SLCO1A2: variants seen among roughly 807,000 people sequenced by gnomAD.
SLCO1A2 encodes the protein OATP-1.
Under a neutral mutation model 69.0 loss-of-function variants are expected in SLCO1A2, and 67 were observed. The observed-to-expected ratio is 0.97, with a 90% CI of 0.80 to 1.19. The LOEUF is 1.19. SLCO1A2 is among the 50% of genes most tolerant of loss of function. SLCO1A2 has a pLI of 0.00. For missense variants in SLCO1A2, 787 were observed against 793.7 expected (o/e 0.99, Z 0.10); for synonymous variants, 260 against 265.9 (o/e 0.98, Z 0.22).
intron 12 of SLCO1A2, among the ~76,000 whole-genome samples, chr12:21,281,902 A>G (rs1380246327): frequency 6.6e-6 from 1 of 152,152 alleles, no homozygotes; most frequent in African/African-American, 2.4e-5. Flanking sequence ...CAAAACCTGA[A>G]CAGATCAATA....
Position 21,297,563 on chromosome 12 carries a change from G to T in SLCO1A2, c.916C>A (p.Leu306Ile), listed in dbSNP as rs763398472. The change falls in exon 9 of 15, where the codon CTA (leucine) becomes ATA (isoleucine). Residue 306 changes from leucine (L) to isoleucine (I), a missense_variant. By Grantham distance (5) the Leu-to-Ile change is conservative. Transcript: ENST00000683939. ...CAGGAAAGACTTTTCATGAAAGGTA[G>T]AAAATCTGAAATGAAAGAATGACAA... ...KEKYGITKDFLPFMKSLSCNP... is the reference protein window; with the variant it reads ...KEKYGITKDFIPFMKSLSCNP... 6.4e-7 allele frequency: 1 copy of T among 1,562,550 alleles called. No individual in the cohort carries two copies. Among genetic ancestry groups the T allele is most frequent in the Non-Finnish European group, 8.7e-7 (1 of 1,145,974 alleles).
Position 21,382,516 on chromosome 12 carries a change from TG to T in SLCO1A2, c.-189-7992del, listed in dbSNP as rs529650274. 2.0e-5 allele frequency among the ~76,000 whole-genome samples: 3 copies of T among 151,914 alleles called. No homozygotes were observed. In the South Asian group the frequency reaches 6.2e-4, roughly 32 times the overall value. On this transcript the variant is annotated intron_variant, in intron 1 of 15. Transcript: ENST00000307378. ...GATAATAAATTTTTAAGAAAGAAAA[TG>T]GCTGATGCGGTGGTTCACACCTGTA...
chr12:21,297,370 A>T (rs764348296), intron 9 of SLCO1A2, 34 bp downstream of exon 9: 30 of 1,572,188 alleles, frequency 1.9e-5, no homozygotes, highest in Non-Finnish European at 2.4e-5. Flanking sequence ...TGGGGGGGAA[A>T]GTGTGCTAGT....
At chr12:21,391,733 T>A (rs1237243755) in intron 1 of SLCO1A2, among the ~76,000 whole-genome samples, 2 of 151,156 alleles carry the variant, frequency 1.3e-5, no homozygotes, top group Admixed American at 6.6e-5. Flanking sequence ...TCCGTTGACA[T>A]TCAAAAGAAA....
At chr12:21,368,406 A>G (rs1939544229) in intron 2 of SLCO1A2, among the ~76,000 whole-genome samples, 1 of 152,180 alleles carries the variant, frequency 6.6e-6, no homozygotes, top group Non-Finnish European at 1.5e-5. Context: ...ATTGTAAATT[A>G]AAGAGTCACA....
chr12:21,354,680 T>C (rs183716945), intron 2 of SLCO1A2, among the ~76,000 whole-genome samples: 2 of 152,304 alleles, frequency 1.3e-5, no homozygotes, highest in East Asian at 3.9e-4. Flanking sequence ...GGGAAACTTT[T>C]ACTTTTAAAT....
intron 1 of SLCO1A2, among the ~76,000 whole-genome samples, chr12:21,387,966 C>A (rs898342242): frequency 1.3e-5 from 2 of 152,184 alleles, no homozygotes; most frequent in African/African-American, 2.4e-5. Context: ...GACATGGAGT[C>A]AAAGGAGATC....
chr12:21,409,458 C>T (rs1179698943), intron 1 of SLCO1A2, among the ~76,000 whole-genome samples: 2 of 152,074 alleles, frequency 1.3e-5, no homozygotes, highest in Admixed American at 6.6e-5. Flanking sequence ...TTCACAAATA[C>T]AAGGTAGATT....
At chr12:21,401,650 TCTA>T (rs1941709200) in intron 1 of SLCO1A2, among the ~76,000 whole-genome samples, 1 of 151,834 alleles carries the variant, frequency 6.6e-6, no homozygotes, top group Non-Finnish European at 1.5e-5. Context: ...TTTGTTTATT[TCTA>T]CTTTTTTGTT....
In SLCO1A2 at chr12:21,307,086, A is replaced by T. The variant is rs1267016697; in HGVS notation, c.336-98T>A. On this transcript the variant is annotated intron_variant, in intron 4 of 14. Transcript: ENST00000683939. ...TACCTTCTGCTTCCCATACAACACA[A>T]TATCCAAATCCAGTAAAAATGGCTT... 7.9e-6 allele frequency: 6 copies of T among 758,894 alleles called. No individual in the cohort carries two copies. The Admixed American group carries it at 1.4e-4, about 18-fold the overall frequency. The allele number at this position is 758,894 out of a possible 1,614,324, so 47.0% of individuals were successfully genotyped here. A position where few individuals can be genotyped will look rare whatever the true frequency, so the allele number is the denominator to read the frequency against.
chr12:21,344,070 A>T (rs117647264), intron 2 of SLCO1A2, among the ~76,000 whole-genome samples: 1,809 of 152,244 alleles, frequency 0.012, 9 homozygotes, highest in Non-Finnish European at 0.02. Flanking sequence ...GAACTTTCAT[A>T]AGTGAATTCA....
At chr12:21,299,905 C>T (rs1250427315) in intron 8 of SLCO1A2, among the ~76,000 whole-genome samples, 30 of 114,680 alleles carry the variant, frequency 2.6e-4, no homozygotes, top group African/African-American at 8.5e-4. Context: ...TATATATATA[C>T]GTGTGTGTAT....
intron 1 of SLCO1A2, among the ~76,000 whole-genome samples, chr12:21,405,622 C>T (rs138967159): frequency 3.9e-5 from 6 of 152,208 alleles, no homozygotes; most frequent in East Asian, 1.9e-4. Context: ...GAAACAAGAC[C>T]GCACATCTAC....
At chr12:21,376,922 C>T (rs1267041836) in intron 1 of SLCO1A2, among the ~76,000 whole-genome samples, 1 of 152,116 alleles carries the variant, frequency 6.6e-6, no homozygotes, top group South Asian at 2.1e-4. Context: ...ATTTCTCTAA[C>T]TTTCCTAATA....
chr12:21,286,924 C>T (rs1192500705), intron 12 of SLCO1A2, among the ~76,000 whole-genome samples: 1 of 151,578 alleles, frequency 6.6e-6, no homozygotes, highest in Admixed American at 6.6e-5. Flanking sequence ...AAAACCTAGG[C>T]ATTACCATTC....
chr12:21,331,770 G>A lies in SLCO1A2; in HGVS notation c.60+2818C>T, dbSNP rs76192165. Among the ~76,000 whole-genome samples, 645 of 152,102 alleles carry A rather than the reference G, an allele frequency of 4.2e-3. 8 individuals carry two copies. The highest frequency in any genetic ancestry group is 0.015 in the African/African-American group (618 of 41,508). ...GAAACTCCAGAAAGGAGTTGCCCAC[G>A]CTCCATTGTCATGGAAGCAGGAAAA... is the stretch of plus-strand genomic sequence containing the variant. On this transcript the variant is annotated intron_variant, in intron 2 of 14. Transcript: ENST00000683939.
Position 21,293,944 on chromosome 12 carries a change from C to T in SLCO1A2, c.1437+1G>A. 1 of 1,603,494 alleles carries T rather than the reference C, an allele frequency of 6.2e-7. No homozygotes were observed. Among genetic ancestry groups the T allele is most frequent in the Non-Finnish European group, 8.5e-7 (1 of 1,175,882 alleles). ...AAGTTCTGTCAAATAGGATGTCTTACCATGTTTATTCCCGTTCCAATGGAT... is the reference window on the plus strand; with the variant it reads ...AAGTTCTGTCAAATAGGATGTCTTATCATGTTTATTCCCGTTCCAATGGAT... On this transcript the variant is annotated splice_donor_variant, in intron 11 of 14. Transcript: ENST00000683939. LOFTEE classifies it high-confidence loss of function.
chr12:21,356,762 T>C (rs1591875514), intron 2 of SLCO1A2, among the ~76,000 whole-genome samples: 1 of 152,122 alleles, frequency 6.6e-6, no homozygotes, highest in Non-Finnish European at 1.5e-5. Flanking sequence ...TTAATTCTCA[T>C]GCAGTCCAAG....
chr12:21,316,544 T>C (rs1950886408), intron 3 of SLCO1A2, among the ~76,000 whole-genome samples: 1 of 144,310 alleles, frequency 6.9e-6, no homozygotes, highest in Admixed American at 6.8e-5. Context: ...CTTTTCACAC[T>C]GCTGATACTT....
Sources: allele counts gnomAD v4.1 joint callset (sites outside exome capture counted in the v4.1 genomes callset), GRCh38; gene constraint gnomAD v4.1.1; transcripts MANE v1.5; gene names NCBI Gene and HGNC (gene_info 2026-07-23, HGNC 2026-07-21).